SELP: variants seen among roughly 807,000 people sequenced by gnomAD.
The protein encoded by SELP is selectin P, also known as P-selectin.
A neutral mutation model predicts 104.1 loss-of-function variants in SELP; 92 were observed. That is an observed-to-expected ratio of 0.88 (90% CI 0.75 to 1.05). SELP has a LOEUF of 1.05. Ranked by LOEUF, SELP falls within the 50% of genes least tolerant of loss-of-function variation. SELP has a pLI of 0.00. For missense variants in SELP, 1,022 were observed against 1,017.3 expected, an observed-to-expected ratio of 1.00 and a Z score of -0.06; for synonymous variants, 397 against 364.5, an observed-to-expected ratio of 1.09 and a Z score of -1.01.
At chr1:169,597,509 C>G (rs576417201) in intron 10 of SELP, among the ~76,000 whole-genome samples, 1 of 152,290 alleles carries the variant, frequency 6.6e-6, no homozygotes, top group African/African-American at 2.4e-5. Context: ...GCAGCTCCCT[C>G]TATCTTACTT....
At chr1:169,594,551 G>C in intron 13 of SELP, 141 bp downstream of exon 13, 1 of 747,938 alleles carries the variant, frequency 1.3e-6, no homozygotes, top group East Asian at 2.7e-5. Flanking sequence ...GATTCTGCCT[G>C]ATTCATTGTG....
At position 169,620,934 on chromosome 1, in the gene SELP, G is replaced by C. The variant is rs546154250; in HGVS notation, c.4-1715C>G. 1.2e-4 allele frequency among the ~76,000 whole-genome samples: 16 copies of C among 129,750 alleles called. No homozygotes were observed. In the East Asian group the frequency reaches 3.6e-3, roughly 29 times the overall value. The allele number at this position is 129,750 out of a possible 152,430, so 85.1% of individuals were successfully genotyped here. A position where few individuals can be genotyped will look rare whatever the true frequency, so the allele number is the denominator to read the frequency against. On this transcript the variant is annotated intron_variant, in intron 1 of 16. Transcript: ENST00000263686. ...AGTGATGGATGATGTAGGGTGCATGGGACAGTGTGGGGTTCTGTGTGTGTG... is the reference window on the plus strand; with the variant it reads ...AGTGATGGATGATGTAGGGTGCATGCGACAGTGTGGGGTTCTGTGTGTGTG...
chr1:169,611,393 A>G (rs1571655163), intron 7 of SELP, 99 bp downstream of exon 7: 1 of 1,242,948 alleles, frequency 8.0e-7, no homozygotes, highest in East Asian at 2.4e-5. Context: ...TAGTGCAAGA[A>G]CTTAGAAGAG....
chr1:169,594,644 G>A lies in SELP; in HGVS notation c.2287+48C>T, dbSNP rs551063011. ...GACACAGGGAAGAAACACTGATTTT[G>A]TTATTTTCCACATCAAAGTGACTTC... On this transcript the variant is annotated intron_variant, in intron 13 of 16. Transcript: ENST00000263686. 17 of 1,565,436 alleles carry A rather than the reference G, an allele frequency of 1.1e-5. No individual in the cohort carries two copies. In the South Asian group the frequency reaches 1.5e-4, roughly 14 times the overall value.
intron 15 of SELP, among the ~76,000 whole-genome samples, chr1:169,590,945 A>AT (rs945285214): frequency 1.3e-5 from 2 of 152,146 alleles, no homozygotes; most frequent in East Asian, 1.9e-4. Context: ...AATATTAAGC[A>AT]TTTTTTTGCA....
In SELP at chr1:169,603,218, T is replaced by C. The variant is rs764583354; in HGVS notation, c.1520-7A>G. 1 of 1,606,732 alleles carries C rather than the reference T, an allele frequency of 6.2e-7. No homozygotes were observed. The highest frequency in any genetic ancestry group is 8.5e-7 in the Non-Finnish European group (1 of 1,174,200). On this transcript the variant is annotated splice_region_variant and splice_polypyrimidine_tract_variant and intron_variant, in intron 9 of 16. Coordinates refer to ENST00000263686, the MANE Select transcript of SELP (RefSeq NM_003005.4). The stretch of plus-strand genomic sequence containing the variant: ...AAAGGTGTGCAGGGAATGGCTATCA[T>C]GGGCATGGCAGAGGAGAAAAGAAGA...
At chr1:169,602,194 G>T (rs1661941510) in intron 10 of SELP, among the ~76,000 whole-genome samples, 1 of 152,238 alleles carries the variant, frequency 6.6e-6, no homozygotes, top group African/African-American at 2.4e-5. Context: ...TTTTTATTCT[G>T]TCTAGCTGCT....
chr1:169,594,977 A>T (rs1661531733), intron 12 of SELP, 100 bp from the exon 13 acceptor site: 1 of 1,076,598 alleles, frequency 9.3e-7, no homozygotes, highest in South Asian at 1.6e-5. Flanking sequence ...AATGAGGCAG[A>T]ATGTAAAAGG....
intron 1 of SELP, among the ~76,000 whole-genome samples, chr1:169,628,180 G>A (rs986675168): frequency 6.6e-6 from 1 of 152,242 alleles, no homozygotes; most frequent in African/African-American, 2.4e-5. Context: ...ACAGGCATGA[G>A]CCACTGAGCC....
chr1:169,605,439 CATTCATTCATTT>C (rs1163941349), intron 9 of SELP, among the ~76,000 whole-genome samples: 3 of 150,960 alleles, frequency 2.0e-5, no homozygotes. Context: ...TTCATTCATT[CATTCATTCATTT>C]ACTGTTGACC....
At position 169,603,198 on chromosome 1, in the gene SELP, T is replaced by G; in HGVS notation, c.1533A>C (p.Thr511=). The part of the protein sequence containing the change: ...VPPECQAIPC[T]PLLSPQNGTM... ...TTCCATTCTGAGGGCTTAGCAAAGG[T>G]GTGCAGGGAATGGCTATCATGGGCA... The change falls in exon 10 of 17, where the codon ACA becomes ACC. Residue 511 remains threonine (T), a synonymous_variant. Coordinates refer to ENST00000263686, the MANE Select transcript of SELP (RefSeq NM_003005.4). 1 of 1,612,144 alleles carries G rather than the reference T, an allele frequency of 6.2e-7. No individual in the cohort carries two copies. Among genetic ancestry groups the G allele is most frequent in the Non-Finnish European group, 8.5e-7 (1 of 1,178,456 alleles).
At position 169,612,275 on chromosome 1, in the gene SELP, C is replaced by T. The variant is rs753970351; in HGVS notation, c.903G>A (p.Pro301=). The T allele has an allele frequency of 5.0e-5, 81 of 1,614,026 alleles. No individual in the cohort carries two copies. Among genetic ancestry groups the T allele is most frequent in the East Asian group, 6.7e-5 (3 of 44,888 alleles). The change falls in exon 6 of 17, where the codon CCG becomes CCA. Residue 301 remains proline, a synonymous_variant. Transcript: ENST00000263686. The part of the protein sequence containing the change: ...SCEEGFALVG[P]EVVQCTASGV... ...CCGAGGCTGTGCATTGCACCACTTCCGGTCCAACTAATGCAAATCCCTCTT... is the reference window on the plus strand; with the variant it reads ...CCGAGGCTGTGCATTGCACCACTTCTGGTCCAACTAATGCAAATCCCTCTT...
In SELP at chr1:169,608,280, G is replaced by A. The variant is rs3917746; in HGVS notation, c.1334-1146C>T. On this transcript the variant is annotated intron_variant, in intron 8 of 16. Transcript: ENST00000263686. ...GTATTAAGCACATTCATATTATTGT[G>A]CCACCATCACCATTATTCATCTCCA... Among the ~76,000 whole-genome samples the A allele has an allele frequency of 3.8e-3, 580 of 151,296 alleles. 13 individuals carry two copies. The highest frequency in any genetic ancestry group is 0.013 in the African/African-American group (547 of 41,124).
At chr1:169,616,509 A>C (rs1023251024) in intron 3 of SELP, among the ~76,000 whole-genome samples, 1 of 152,206 alleles carries the variant, frequency 6.6e-6, no homozygotes, top group Non-Finnish European at 1.5e-5. Flanking sequence ...AAATTTGACT[A>C]ATATTAAATG....
intron 1 of SELP, 24 bp downstream of exon 1, chr1:169,630,048 C>T: frequency 6.2e-7 from 1 of 1,614,124 alleles, no homozygotes; most frequent in Non-Finnish European, 8.5e-7. Context: ...CAACCACTTC[C>T]CATGCAGAAA....
At chr1:169,620,135 G>T (rs1408190439) in intron 1 of SELP, among the ~76,000 whole-genome samples, 4 of 152,106 alleles carry the variant, frequency 2.6e-5, no homozygotes, top group Non-Finnish European at 1.5e-5. Flanking sequence ...TTGAACCCGG[G>T]AGGCGGAGGT....
chr1:169,599,648 G>C (rs1661802578), intron 10 of SELP, among the ~76,000 whole-genome samples: 1 of 152,138 alleles, frequency 6.6e-6, no homozygotes, highest in East Asian at 1.9e-4. Flanking sequence ...CTGGAAAGAA[G>C]ATATAGTATG....
In SELP at chr1:169,596,046, T is replaced by G; in HGVS notation, c.1980A>C (p.Gly660=). 4.3e-6 allele frequency: 7 copies of G among 1,613,866 alleles called. No homozygotes were observed. The highest frequency in any genetic ancestry group is 5.9e-6 in the Non-Finnish European group (7 of 1,179,830). ...QGTMYCRHHP[G]TFGFNTTCYF... The stretch of plus-strand genomic sequence containing the variant: ...AACAAGTGGTATTAAAACCAAAGGT[T>G]CCCGGATGATGCCTACAGTACATGG... The change falls in exon 12 of 17, where the codon GGA becomes GGC. Residue 660 remains glycine, a synonymous_variant. Coordinates refer to ENST00000263686, the MANE Select transcript of SELP (RefSeq NM_003005.4).
At position 169,613,076 on chromosome 1, in the gene SELP, G is replaced by A. The variant is rs1380220583; in HGVS notation, c.628C>T (p.Leu210Phe). Reference sequence around the variant, plus strand: ...CCCAGAGGGTGGCTGCAGTTCATGAGCACGTGTTGAGGGAGCTCAAGTTCT... The same window carrying A: ...CCCAGAGGGTGGCTGCAGTTCATGAACACGTGTTGAGGGAGCTCAAGTTCT... ...CGELELPQHV[L>F]MNCSHPLGNF... is the part of the protein sequence containing the mutation. The change falls in exon 5 of 17, where the codon CTC becomes TTC. Residue 210 changes from leucine to phenylalanine, a missense_variant. Transcript: ENST00000263686. The A allele has an allele frequency of 2.5e-6, 4 of 1,613,024 alleles. No individual in the cohort carries two copies. Among genetic ancestry groups the A allele is most frequent in the Non-Finnish European group, 3.4e-6 (4 of 1,179,384 alleles).
Sources: gnomAD v4.1 joint callset for allele counts (sites outside exome capture counted in the v4.1 genomes callset) on GRCh38, gnomAD v4.1.1 for gene constraint, MANE v1.5 for transcripts, NCBI Gene and HGNC (gene_info 2026-07-23, HGNC 2026-07-21) for gene names.